The following IWS1 variants were observed in gnomAD, a reference collection of about 807,000 sequenced individuals.
IWS1 encodes protein IWS1 homolog.
A neutral mutation model predicts 86.7 loss-of-function variants in IWS1; 27 were observed. The ratio of observed to expected loss-of-function variants is 0.31; its 90% CI spans 0.23 to 0.43. IWS1 has a LOEUF of 0.43. Ranked by LOEUF, IWS1 falls within the 20% of genes least tolerant of loss-of-function variation. IWS1 has a pLI of 1.00. For missense variants in IWS1, 827 were observed against 1,000.8 expected, an observed-to-expected ratio of 0.83 and a Z score of 2.34; for synonymous variants, 313 against 335.1, an observed-to-expected ratio of 0.93 and a Z score of 0.72.
chr2:127,497,873 T>C lies in IWS1; in HGVS notation c.1565+267A>G, dbSNP rs138652475. Reference sequence around the variant, plus strand: ...AGGTATTTTTAAAATTAGGTTATTTTTCATAAGAGTTTACTTGGTGAGCCA... The same window carrying C: ...AGGTATTTTTAAAATTAGGTTATTTCTCATAAGAGTTTACTTGGTGAGCCA... On this transcript the variant is annotated intron_variant, in intron 6 of 13. Transcript: ENST00000295321. Among the ~76,000 whole-genome samples, 15 of 152,296 alleles carry C rather than the reference T, an allele frequency of 9.8e-5. No homozygotes were observed. In the East Asian group the frequency reaches 2.9e-3, roughly 29 times the overall value.
upstream of IWS1, chr2:127,526,576 C>T: frequency 7.2e-7 from 1 of 1,395,818 alleles, no homozygotes. Flanking sequence ...TGACGCCAGG[C>T]ACGGCCGGAA....
chr2:127,482,000 C>T (rs1689657888), intron 13 of IWS1, among the ~76,000 whole-genome samples: 1 of 152,118 alleles, frequency 6.6e-6, no homozygotes, highest in Non-Finnish European at 1.5e-5. Context: ...AAAATACTGC[C>T]TTGCAAAGAT....
chr2:127,522,623 C>A (rs543520610), intron 2 of IWS1, among the ~76,000 whole-genome samples: 5 of 152,280 alleles, frequency 3.3e-5, no homozygotes, highest in African/African-American at 4.8e-5. Context: ...AATCTCTAAT[C>A]ACACCTACTA....
At chr2:127,524,616 G>A (rs1025562464) in intron 1 of IWS1, among the ~76,000 whole-genome samples, 15 of 150,262 alleles carry the variant, frequency 1.0e-4, no homozygotes, top group Admixed American at 7.3e-4. Flanking sequence ...TCAGCTCACT[G>A]CAACCTCCAC....
chr2:127,502,613 T>C, intron 5 of IWS1: 1 of 377,384 alleles, frequency 2.6e-6, no homozygotes, highest in South Asian at 6.9e-5. Flanking sequence ...CCCCCTTAAT[T>C]CAATTTTGCC....
At chr2:127,502,750 T>G in intron 5 of IWS1, 65 bp downstream of exon 5, 1 of 782,812 alleles carries the variant, frequency 1.3e-6, no homozygotes, top group Non-Finnish European at 2.3e-6. Context: ...TATAATGGTA[T>G]CACTGCCATA....
intron 13 of IWS1, among the ~76,000 whole-genome samples, chr2:127,481,903 G>C (rs1237880850): frequency 1.3e-5 from 2 of 152,122 alleles, no homozygotes; most frequent in Non-Finnish European, 2.9e-5. Flanking sequence ...TTTACATTAA[G>C]TATACTTGAC....
At chr2:127,515,051 A>C (rs550166228) in intron 2 of IWS1, 1 of 152,248 alleles carries the variant, frequency 6.6e-6, no homozygotes, top group African/African-American at 2.4e-5. Context: ...AAGCAATTCC[A>C]ATAGCTGCAT....
Position 127,496,005 on chromosome 2 carries a change from G to A in IWS1, c.1709C>T (p.Ala570Val), listed in dbSNP as rs776126531. 6.8e-6 allele frequency: 11 copies of A among 1,612,112 alleles called. No homozygotes were observed. The highest frequency in any genetic ancestry group is 9.3e-6 in the Non-Finnish European group (11 of 1,179,364). Residue 570 changes from alanine (A) to valine (V), a missense_variant, in exon 7 of 14, where the codon GCT (alanine) becomes GTT (valine). Around this residue, in one of 2 missense-constraint regions of IWS1, gnomAD observed 279 missense variants for 440.6 expected, o/e 0.63. Transcript: ENST00000295321. ...AGAAGCGACCCAGCTCACCTCAGCA[G>A]CTTCATTCATCTTGACGATCATGGC... is the stretch of plus-strand genomic sequence containing the variant. Reference protein sequence around the residue: ...VSAMIVKMNEAAEEDRQLNNQ... With the variant: ...VSAMIVKMNEVAEEDRQLNNQ...
Position 127,489,857 on chromosome 2 carries a change from T to C in IWS1, c.2134A>G (p.Met712Val). 6.2e-6 allele frequency: 10 copies of C among 1,609,924 alleles called. No individual in the cohort carries two copies. Among genetic ancestry groups the C allele is most frequent in the Non-Finnish European group, 8.5e-6 (10 of 1,176,180 alleles). ...CTGTTCATTCTTCGTCGTTGAGGCA[T>C]CTGTTCTAGATCTCTCTGCTCCCTT... Reference protein sequence around the residue: ...EEREQRDLEQMPQRRRMNSTG... With the variant: ...EEREQRDLEQVPQRRRMNSTG... The change falls in exon 11 of 14, where the codon ATG becomes GTG. Residue 712 changes from methionine (M) to valine (V), a missense_variant. Met to Val is a conservative substitution (Grantham distance 21). Around this residue, in one of 2 missense-constraint regions of IWS1, gnomAD observed 279 missense variants for 440.6 expected, o/e 0.63. Coordinates refer to ENST00000295321, the MANE Select transcript of IWS1 (RefSeq NM_017969.3). This position sits in a 1 kb window ranked among gnomAD's most constrained non-coding sequence, Gnocchi z 4.8.
chr2:127,503,897 T>C (rs1232262131), intron 3 of IWS1, among the ~76,000 whole-genome samples: 1 of 152,096 alleles, frequency 6.6e-6, no homozygotes, highest in Non-Finnish European at 1.5e-5. Context: ...AAAACTAGAT[T>C]GATGGGCAAA....
intron 6 of IWS1, among the ~76,000 whole-genome samples, chr2:127,497,246 A>G (rs1334236259): frequency 6.6e-6 from 1 of 152,258 alleles, no homozygotes; most frequent in East Asian, 1.9e-4. Flanking sequence ...CTTTTCATGC[A>G]CTATATTCAC....
chr2:127,501,583 TTTC>T (rs1331940773), intron 5 of IWS1, among the ~76,000 whole-genome samples: 1 of 152,174 alleles, frequency 6.6e-6, no homozygotes, highest in East Asian at 1.9e-4. Flanking sequence ...TATCTTTTCC[TTTC>T]TTCTGTAATA....
In IWS1 at chr2:127,499,095, C is replaced by CCT. The variant is rs11371297; in HGVS notation, c.1468-859_1468-858insAG. Among the ~76,000 whole-genome samples the CCT allele has an allele frequency of 2.1e-5, 3 of 143,802 alleles. No homozygotes were observed. The East Asian group carries it at 6.0e-4, about 29-fold the overall frequency. 94.3% of individuals were successfully genotyped at this position (143,802 alleles called of 152,430 possible). ...TTTGCCAGGCATAATTTTTCTTTTT[C>CCT]TTTTTTTTTTTTTGAGACGGAGTCT... On this transcript the variant is annotated intron_variant, in intron 5 of 13. Coordinates refer to ENST00000295321, the MANE Select transcript of IWS1 (RefSeq NM_017969.3). This position sits in a 1 kb window ranked among gnomAD's most constrained non-coding sequence, Gnocchi z 4.0.
chr2:127,522,321 A>G (rs953898544), intron 2 of IWS1, among the ~76,000 whole-genome samples: 2 of 152,180 alleles, frequency 1.3e-5, no homozygotes, highest in Non-Finnish European at 2.9e-5. Flanking sequence ...TAAAAGACCT[A>G]TATGGTCCCT....
chr2:127,508,546 G>A (rs1250160979), intron 2 of IWS1, among the ~76,000 whole-genome samples: 1 of 152,166 alleles, frequency 6.6e-6, no homozygotes, highest in African/African-American at 2.4e-5. Context: ...ATTTCTATGT[G>A]TGACTTGATT....
chr2:127,526,210 G>T lies in IWS1; in HGVS notation c.-2C>A, dbSNP rs770314658. 8.2e-6 allele frequency: 13 copies of T among 1,576,902 alleles called. No individual in the cohort carries two copies. The South Asian group carries it at 1.4e-4, about 17-fold the overall frequency. On this transcript the variant is annotated 5_prime_UTR_variant, in exon 1 of 14. Coordinates refer to ENST00000295321, the MANE Select transcript of IWS1 (RefSeq NM_017969.3). ...GCCGCTGTAATATTCCGAGTCCATG[G>T]CAGGCGGACTCTCAGCGGGGAGTGT... is the stretch of plus-strand genomic sequence containing the variant.
intron 2 of IWS1, among the ~76,000 whole-genome samples, chr2:127,518,186 T>G (rs1418746467): frequency 6.6e-6 from 1 of 152,194 alleles, no homozygotes. Context: ...ATCACTGAAT[T>G]GCACAAATTG....
rs761899397 is a variant in IWS1, at chr2:127,505,506, A to G, written c.397T>C (p.Ser133Pro). 1 of 1,613,990 alleles carries G rather than the reference A, an allele frequency of 6.2e-7. No individual in the cohort carries two copies. Among genetic ancestry groups the G allele is most frequent in the Non-Finnish European group, 8.5e-7 (1 of 1,180,032 alleles). Residue 133 changes from serine (S) to proline (P), a missense_variant, in exon 3 of 14, where the codon TCT (serine) becomes CCT (proline). Physicochemically the swap from Ser to Pro is moderately conservative, Grantham distance 74. Around this residue, in one of 2 missense-constraint regions of IWS1, gnomAD observed 548 missense variants for 560.2 expected, o/e 0.98. Coordinates refer to ENST00000295321, the MANE Select transcript of IWS1 (RefSeq NM_017969.3). This position sits in a 1 kb window ranked among gnomAD's most constrained non-coding sequence, Gnocchi z 5.0. ...CCATTAAGAAGTTCCTCATTTTCAG[A>G]GTCACTACCAGGTAATTTCCTGGTC... ...EETRKLPGSD[S>P]ENEELLNGHA...
Sources: gnomAD v4.1 joint callset for allele counts (sites outside exome capture counted in the v4.1 genomes callset) on GRCh38, gnomAD v4.1.1 for gene constraint, gnomAD v4.1.1 regional missense constraint, Gnocchi (gnomAD v3.1) non-coding constraint, MANE v1.5 for transcripts, NCBI Gene and HGNC (gene_info 2026-07-23, HGNC 2026-07-21) for gene names.